MTMR2: variants seen among roughly 807,000 people sequenced by gnomAD.
MTMR2 encodes myotubularin related protein 2.
In MTMR2, 55 loss-of-function variants were observed where a neutral mutation model predicts 86.9. The observed-to-expected ratio is 0.63, with a 90% CI of 0.51 to 0.79. The LOEUF is 0.79. Among genes scored for constraint, MTMR2 ranks in the 30% least tolerant of loss-of-function variants. MTMR2 has a pLI of 0.00. For missense variants in MTMR2, 659 were observed against 772.3 expected, an observed-to-expected ratio of 0.85 and a Z score of 1.74; for synonymous variants, 241 against 266.8, an observed-to-expected ratio of 0.90 and a Z score of 0.94.
At chr11:95,895,188 T>G (rs1022713441) in intron 1 of MTMR2, among the ~76,000 whole-genome samples, 3 of 148,968 alleles carry the variant, frequency 2.0e-5, no homozygotes, top group Non-Finnish European at 3.0e-5. Flanking sequence ...AAGGAAATGG[T>G]AATAGTTATG....
chr11:95,867,860 G>A lies in MTMR2; in HGVS notation c.187-2184C>T, dbSNP rs151232317. On this transcript the variant is annotated intron_variant, in intron 2 of 14. Coordinates refer to ENST00000346299, the MANE Select transcript of MTMR2 (RefSeq NM_016156.6). ...TACAAAGAAAAGAGAATATCAACCC[G>A]AAACTTTAAAAAAGAAAGCAGTCTT... Among the ~76,000 whole-genome samples the A allele has an allele frequency of 2.8e-3, 417 of 150,180 alleles. 2 individuals carry two copies. Among genetic ancestry groups the A allele is most frequent in the African/African-American group, 9.4e-3 (386 of 40,852 alleles).
In MTMR2 at chr11:95,923,900, G is replaced by A; in HGVS notation, c.55C>T (p.Pro19Ser). ...CTGGACAAGGAGTCCACGCTGGGCG[G>A]CCGAGCCGCCGCCGGCTGGGAGCCA... The part of the protein sequence containing the change: ...SLGSQPAAAR[P>S]PSVDSLSSAS... The change falls in exon 1 of 15, where the codon CCG (proline) becomes TCG (serine). Residue 19 changes from proline to serine, a missense_variant. Coordinates refer to ENST00000346299, the MANE Select transcript of MTMR2 (RefSeq NM_016156.6). The A allele has an allele frequency of 1.3e-6, 2 of 1,557,838 alleles. No homozygotes were observed. The highest frequency in any genetic ancestry group is 1.7e-6 in the Non-Finnish European group (2 of 1,150,816).
rs1330786781 is a variant in MTMR2 at position 95,840,389 on chromosome 11, C to CA, written c.1479+1227dup. Among the ~76,000 whole-genome samples, 3 of 151,814 alleles carry CA rather than the reference C, an allele frequency of 2.0e-5. No individual in the cohort carries two copies. In the East Asian group the frequency reaches 5.8e-4, roughly 29 times the overall value. ...GTCCTAATGTTTTGGGTCAAACATC[C>CA]AAAAAAGGATTGTAGGGACTTAGGT... is the stretch of plus-strand genomic sequence containing the variant. On this transcript the variant is annotated intron_variant, in intron 12 of 14. Transcript: ENST00000346299.
At chr11:95,901,478 G>A (rs1866072162) in intron 1 of MTMR2, among the ~76,000 whole-genome samples, 1 of 152,130 alleles carries the variant, frequency 6.6e-6, no homozygotes, top group African/African-American at 2.4e-5. Flanking sequence ...AGGGATTTCT[G>A]AGATCATTCT....
rs772098886 is a variant in MTMR2, at chr11:95,834,049, TCTGGGGAAA to T, written c.*1232_*1240del. The T allele has an allele frequency of 3.4e-5, 5 of 147,128 alleles. No homozygotes were observed. Among genetic ancestry groups the T allele is most frequent in the Non-Finnish European group, 7.4e-5 (5 of 67,900 alleles). 9.1% of individuals were successfully genotyped at this position (147,128 alleles called of 1,614,324 possible). The stretch of plus-strand genomic sequence containing the variant: ...ATTCCTCCAATAATTTCCAAATATT[TCTGGGGAAA>T]AAAAAGAAATGGCAACTTTGGACAA... On this transcript the variant is annotated 3_prime_UTR_variant, in exon 15 of 15. Transcript: ENST00000346299.
intron 1 of MTMR2, among the ~76,000 whole-genome samples, chr11:95,902,199 T>C (rs970257425): frequency 2.0e-5 from 3 of 152,142 alleles, no homozygotes; most frequent in Non-Finnish European, 4.4e-5. Context: ...ATGGCGATGG[T>C]ATATCATATA....
At chr11:95,923,688 T>A in intron 1 of MTMR2, 187 bp downstream of exon 1, 1 of 1,431,106 alleles carries the variant, frequency 7.0e-7, no homozygotes, top group Non-Finnish European at 9.1e-7. Flanking sequence ...CAGCGAGTTT[T>A]AACCTCCTTT....
rs1457453859 is a variant in MTMR2, at chr11:95,838,020, G to A, written c.1593+74C>T. 8.5e-6 allele frequency: 8 copies of A among 945,994 alleles called. No individual in the cohort carries two copies. In the Admixed American group the frequency reaches 1.4e-4, roughly 17 times the overall value. 58.6% of individuals were successfully genotyped at this position (945,994 alleles called of 1,614,324 possible). On this transcript the variant is annotated intron_variant, in intron 13 of 14. Transcript: ENST00000346299. ...AAAAGAATGACTTCAGTTGAAATCT[G>A]TCACAGAGTACATTCTTTTAGGGAA...
rs886048771 is a variant in MTMR2 at position 95,841,646 on chromosome 11, T to C, written c.1450A>G (p.Ile484Val). The C allele has an allele frequency of 2.5e-6, 4 of 1,613,480 alleles. No individual in the cohort carries two copies. The highest frequency in any genetic ancestry group is 3.4e-6 in the Non-Finnish European group (4 of 1,179,580). Residue 484 changes from isoleucine (I) to valine (V), a missense_variant, in exon 12 of 15, where the codon ATT becomes GTT. Ile to Val is a conservative substitution (Grantham distance 29). This residue lies in a region of MTMR2 where 193 missense variants were observed against 191.6 expected (regional missense o/e 1.01). Transcript: ENST00000346299. ...ADRSPVFLQF[I>V]DCVWQMTRQF... ...CTTGTCATCTGCCAGACACAGTCAATAAATTGAAGAAAAACAGGCGATCTG... is the reference window on the plus strand; with the variant it reads ...CTTGTCATCTGCCAGACACAGTCAACAAATTGAAGAAAAACAGGCGATCTG...
Position 95,834,459 on chromosome 11 carries a change from A to AACTT in MTMR2, c.*827_*830dup, listed in dbSNP as rs971089867. On this transcript the variant is annotated 3_prime_UTR_variant, in exon 15 of 15. Transcript: ENST00000346299. ...GTAAGATTTTTAAATACTTCTTAAA[A>AACTT]ACTTGCTAATTAGCTTCTGTGTGTT... 4 of 152,076 alleles carry AACTT rather than the reference A, an allele frequency of 2.6e-5. No individual in the cohort carries two copies. Among genetic ancestry groups the AACTT allele is most frequent in the Admixed American group, 2.0e-4 (3 of 15,242 alleles). 9.4% of individuals were successfully genotyped at this position (152,076 alleles called of 1,614,324 possible). A position where few individuals can be genotyped will look rare whatever the true frequency, so the allele number is the denominator to read the frequency against.
At chr11:95,893,485 C>T (rs1343807296) in intron 1 of MTMR2, among the ~76,000 whole-genome samples, 1 of 152,104 alleles carries the variant, frequency 6.6e-6, no homozygotes, top group Non-Finnish European at 1.5e-5. Context: ...CTCTCCTTTG[C>T]CCACTTCGCT....
At chr11:95,838,501 AAAC>A (rs1403461429) in intron 12 of MTMR2, among the ~76,000 whole-genome samples, 3 of 152,052 alleles carry the variant, frequency 2.0e-5, no homozygotes, top group South Asian at 4.1e-4. Context: ...AAATGACCAC[AAAC>A]AACATTAAGA....
chr11:95,841,910 A>C (rs760152030), intron 11 of MTMR2, among the ~76,000 whole-genome samples: 2 of 152,186 alleles, frequency 1.3e-5, no homozygotes, highest in East Asian at 3.9e-4. Flanking sequence ...GGTCTGGGCA[A>C]CATAGCAAGA....
Position 95,895,532 on chromosome 11 carries a change from G to T in MTMR2, c.81-7271C>A, listed in dbSNP as rs187771060. 5.5e-4 allele frequency among the ~76,000 whole-genome samples: 83 copies of T among 152,242 alleles called. 1 individual carries two copies. In the East Asian group the frequency reaches 0.013, roughly 24 times the overall value. On this transcript the variant is annotated intron_variant, in intron 1 of 14. Transcript: ENST00000346299. ...AAGCCTGGCTAATAAAAGGCAAGGG[G>T]CATACAATGAGATATCACTTCACTC...
At chr11:95,902,878 A>C (rs1279153633) in intron 1 of MTMR2, among the ~76,000 whole-genome samples, 1 of 152,128 alleles carries the variant, frequency 6.6e-6, no homozygotes, top group African/African-American at 2.4e-5. Flanking sequence ...CCAAGTATTC[A>C]ACCTCATGCC....
rs146369454 is a variant in MTMR2, at chr11:95,852,627, T to C, written c.655-1878A>G. Among the ~76,000 whole-genome samples, 205 of 152,350 alleles carry C rather than the reference T, an allele frequency of 1.3e-3. 1 individual carries two copies. The highest frequency in any genetic ancestry group is 4.6e-3 in the African/African-American group (191 of 41,582). On this transcript the variant is annotated intron_variant, in intron 7 of 14. Transcript: ENST00000346299. ...CTGATTTCGTTGACTTCAGATATTC[T>C]GGACAACTTCAAGATGAAAGTTAAA... is the stretch of plus-strand genomic sequence containing the variant.
At chr11:95,837,988 A>G (rs1040222950) in intron 13 of MTMR2, 106 bp downstream of exon 13, 3 of 748,814 alleles carry the variant, frequency 4.0e-6, no homozygotes, top group African/African-American at 1.7e-5. Context: ...AAGATAAAGT[A>G]TGACCCAAAA....
At chr11:95,883,280 C>T (rs1865399965) in intron 2 of MTMR2, among the ~76,000 whole-genome samples, 1 of 152,042 alleles carries the variant, frequency 6.6e-6, no homozygotes. Context: ...ATTTATTCTC[C>T]AGTGAGCAAA....
chr11:95,890,990 A>C (rs1865695052), intron 1 of MTMR2, among the ~76,000 whole-genome samples: 1 of 152,282 alleles, frequency 6.6e-6, no homozygotes, highest in South Asian at 2.1e-4. Flanking sequence ...AACATCTCAT[A>C]AAGTCTATCT....
Sources: gnomAD v4.1 joint callset for allele counts (sites outside exome capture counted in the v4.1 genomes callset) on GRCh38, gnomAD v4.1.1 for gene constraint, gnomAD v4.1.1 regional missense constraint, MANE v1.5 for transcripts, NCBI Gene and HGNC (gene_info 2026-07-23, HGNC 2026-07-21) for gene names.